Variants in TRIM66 observed in about 807,000 individuals in gnomAD.
TRIM66 encodes tripartite motif containing 66.
A neutral mutation model predicts 148.2 loss-of-function variants in TRIM66; 99 were observed. The observed-to-expected ratio is 0.67, with a 90% confidence interval of 0.57 to 0.79. TRIM66 has a LOEUF of 0.79. Among genes scored for constraint, TRIM66 ranks in the 30% least tolerant of loss-of-function variants. TRIM66 has a pLI of 0.00. For synonymous variants in TRIM66, 616 were observed against 635.9 expected, an observed-to-expected ratio of 0.97 and a Z score of 0.47; for missense variants, 1,666 against 1,697.9, an observed-to-expected ratio of 0.98 and a Z score of 0.33.
chr11:8,655,428 G>C (rs932140027), intron 6 of TRIM66, among the ~76,000 whole-genome samples: 1 of 152,160 alleles, frequency 6.6e-6, no homozygotes, highest in African/African-American at 2.4e-5. Context: ...TGAGGGAATA[G>C]GAATGCAGGG....
At chr11:8,652,792 G>A (rs2037472693) in intron 6 of TRIM66, among the ~76,000 whole-genome samples, 1 of 152,186 alleles carries the variant, frequency 6.6e-6, no homozygotes, top group Non-Finnish European at 1.5e-5. Flanking sequence ...AGTGAATGCA[G>A]CAGTACCGCT....
At position 8,641,082 on chromosome 11, in the gene TRIM66, T is replaced by C. The variant is rs1159560326; in HGVS notation, c.1293A>G (p.Ser431=). 3 of 1,551,610 alleles carry C rather than the reference T, an allele frequency of 1.9e-6. No individual in the cohort carries two copies. The highest frequency in any genetic ancestry group is 1.4e-5 in the African/African-American group (1 of 73,038). ...DAPAYGGLQG[S]SPFYQSHQSP... ...ACTGGTGGCTTTGATAAAAGGGTGA[T>C]GACCCCTGTAAGCCTCCATAAGCAG... Residue 431 remains serine (S), a synonymous_variant, in exon 14 of 25, where the codon TCA becomes TCG. Coordinates refer to ENST00000646038, the MANE Select transcript of TRIM66 (RefSeq NM_001388022.1).
chr11:8,666,412 G>T (rs966995280), intron 6 of TRIM66, among the ~76,000 whole-genome samples: 1 of 145,452 alleles, frequency 6.9e-6, no homozygotes, highest in Non-Finnish European at 1.5e-5. Context: ...ATGAGAAATT[G>T]ACTCTCTGGT....
intron 6 of TRIM66, among the ~76,000 whole-genome samples, chr11:8,671,298 C>T (rs2038915689): frequency 6.6e-6 from 1 of 152,338 alleles, no homozygotes; most frequent in South Asian, 2.1e-4. Flanking sequence ...AGTGACTGCA[C>T]AGTTCCCAGT....
At chr11:8,671,299 A>G (rs2038915845) in intron 6 of TRIM66, among the ~76,000 whole-genome samples, 1 of 152,242 alleles carries the variant, frequency 6.6e-6, no homozygotes, top group South Asian at 2.1e-4. Context: ...GTGACTGCAC[A>G]GTTCCCAGTG....
chr11:8,619,831 T>G (rs922157572), intron 22 of TRIM66, among the ~76,000 whole-genome samples: 7 of 152,226 alleles, frequency 4.6e-5, no homozygotes, highest in African/African-American at 1.7e-4. Context: ...ATATTGTCAC[T>G]ACTCCCAGTG....
At chr11:8,632,451 ATTTTTTTTT>A (rs386373046) in intron 15 of TRIM66, among the ~76,000 whole-genome samples, 4 of 88,032 alleles carry the variant, frequency 4.5e-5, no homozygotes, top group Non-Finnish European at 8.9e-5. Context: ...TCACATGTTG[ATTTTTTTTT>A]TTTTTTTTTT....
rs1469886958 is a variant in TRIM66, at chr11:8,619,571, G to C, written c.3748-36C>G. ...GAGACATGAGGAGAAGGAGGCAAAG[G>C]GAGTGAGAGAAGAAATGGAGGTGTG... On this transcript the variant is annotated intron_variant, in intron 22 of 24. Coordinates refer to ENST00000646038, the MANE Select transcript of TRIM66 (RefSeq NM_001388022.1). 2.0e-6 allele frequency: 3 copies of C among 1,488,370 alleles called. No homozygotes were observed. The African/African-American group carries it at 4.3e-5, about 21-fold the overall frequency. 92.2% of individuals were successfully genotyped at this position (1,488,370 alleles called of 1,614,324 possible). A position where few individuals can be genotyped will look rare whatever the true frequency, so the allele number is the denominator to read the frequency against.
chr11:8,631,464 C>T (rs1419496532), intron 15 of TRIM66, among the ~76,000 whole-genome samples: 12 of 152,202 alleles, frequency 7.9e-5, no homozygotes, highest in Non-Finnish European at 1.6e-4. Flanking sequence ...ACACTTTACA[C>T]ACTCTTCTGT....
chr11:8,660,357 C>T (rs2038163360), intron 6 of TRIM66, among the ~76,000 whole-genome samples: 1 of 152,200 alleles, frequency 6.6e-6, no homozygotes, highest in South Asian at 2.1e-4. Context: ...GAGTCCCTTG[C>T]ACATTTTTCT....
At chr11:8,624,681 G>T in intron 16 of TRIM66, 32 bp downstream of exon 16, 1 of 1,480,558 alleles carries the variant, frequency 6.8e-7, no homozygotes, top group Non-Finnish European at 9.0e-7. Context: ...GATGAACAAA[G>T]GAAGTTTGGA....
chr11:8,647,423 T>C (rs759047918), intron 10 of TRIM66, among the ~76,000 whole-genome samples: 4 of 123,942 alleles, frequency 3.2e-5, no homozygotes, highest in Non-Finnish European at 5.1e-5. Context: ...ATCAGTAAAA[T>C]GGAGAAAATC....
rs1165761871 is a variant in TRIM66 at position 8,620,980 on chromosome 11, C to T, written c.3545+52G>A. 2.6e-6 allele frequency: 4 copies of T among 1,520,628 alleles called. No individual in the cohort carries two copies. The African/African-American group carries it at 4.1e-5, about 16-fold the overall frequency. The allele number at this position is 1,520,628 out of a possible 1,614,324, so 94.2% of individuals were successfully genotyped here. ...TGGGCCTGGCCTGGAATAATCATCC[C>T]TGGAAGGTAACCCTACTAGCCAGGT... On this transcript the variant is annotated intron_variant, in intron 20 of 24. Transcript: ENST00000646038.
At chr11:8,663,468 GAAC>G (rs1199313155) in intron 6 of TRIM66, among the ~76,000 whole-genome samples, 1 of 152,054 alleles carries the variant, frequency 6.6e-6, no homozygotes, top group Non-Finnish European at 1.5e-5. Flanking sequence ...TAATAAAATA[GAAC>G]AACTATAAGA....
At chr11:8,641,211 C>T (rs760868651) in intron 13 of TRIM66, 59 bp from the exon 14 acceptor site, 8 of 1,427,018 alleles carry the variant, frequency 5.6e-6, no homozygotes, top group East Asian at 2.5e-5. Flanking sequence ...CACCTTGCTA[C>T]TTCCTGCTCC....
At chr11:8,641,295 G>T in intron 13 of TRIM66, 143 bp from the exon 14 acceptor site, 1 of 767,626 alleles carries the variant, frequency 1.3e-6, no homozygotes, top group Non-Finnish European at 2.0e-6. Flanking sequence ...TGATCTCCTA[G>T]ACTCGGTCTA....
chr11:8,625,244 C>G lies in TRIM66; in HGVS notation c.2311-16G>C, dbSNP rs1272436510. ...AGGTGGAGTGCTGCAGGAACAGAGACAAGGGGTAGAGTCAGGCTGCTAGCT... is the reference window on the plus strand; with the variant it reads ...AGGTGGAGTGCTGCAGGAACAGAGAGAAGGGGTAGAGTCAGGCTGCTAGCT... On this transcript the variant is annotated splice_polypyrimidine_tract_variant and intron_variant, in intron 15 of 24. Transcript: ENST00000646038. 1 of 1,483,782 alleles carries G rather than the reference C, an allele frequency of 6.7e-7. No homozygotes were observed. The highest frequency in any genetic ancestry group is 2.2e-5 in the Admixed American group (1 of 45,322). The allele number at this position is 1,483,782 out of a possible 1,614,324, so 91.9% of individuals were successfully genotyped here.
At position 8,621,189 on chromosome 11, in the gene TRIM66, G is replaced by T; in HGVS notation, c.3388C>A (p.Pro1130Thr). ...GTSPEEHRLI[P>T]RTPGAKKGPP... is the part of the protein sequence containing the mutation. The stretch of plus-strand genomic sequence containing the variant: ...CCCTTCTTGGCTCCTGGGGTTCGAG[G>T]AATGAGTCTGTGTTCTTCAGGAGAT... The change falls in exon 20 of 25, where the codon CCT (proline) becomes ACT (threonine). Residue 1130 changes from proline to threonine, a missense_variant. By Grantham distance (38) the Pro-to-Thr change is conservative. Coordinates refer to ENST00000646038, the MANE Select transcript of TRIM66 (RefSeq NM_001388022.1). The T allele has an allele frequency of 6.4e-7, 1 of 1,551,716 alleles. No individual in the cohort carries two copies. The highest frequency in any genetic ancestry group is 1.2e-5 in the South Asian group (1 of 84,062).
At chr11:8,618,129 G>T in intron 24 of TRIM66, 126 bp from the exon 25 acceptor site, 1 of 947,276 alleles carries the variant, frequency 1.1e-6, no homozygotes. Flanking sequence ...GAATGCAGCA[G>T]TAAAACTTAC....
Sources: allele counts gnomAD v4.1 joint callset (sites outside exome capture counted in the v4.1 genomes callset), GRCh38; gene constraint gnomAD v4.1.1; transcripts MANE v1.5; gene names NCBI Gene and HGNC (gene_info 2026-07-23, HGNC 2026-07-21).